ART3: variants seen among roughly 807,000 people sequenced by gnomAD.
The protein encoded by ART3 is ADP-ribosyltransferase 3 (inactive).
A neutral mutation model predicts 48.5 loss-of-function variants in ART3; 49 were observed. The ratio of observed to expected loss-of-function variants is 1.01; its 90% CI spans 0.80 to 1.28. The LOEUF (loss-of-function observed/expected upper bound fraction) is 1.28, where lower values mean the gene tolerates loss of function less well. ART3 is among the 50% of genes most tolerant of loss of function. The pLI, the probability that ART3 is intolerant of heterozygous loss-of-function variation, is 0.00. For missense variants in ART3, 438 were observed against 454.3 expected (o/e 0.96, Z 0.33); for synonymous variants, 145 against 157.2 (o/e 0.92, Z 0.58).
intron 1 of ART3, among the ~76,000 whole-genome samples, chr4:76,014,147 G>A (rs530998083): frequency 5.4e-4 from 82 of 152,234 alleles, no homozygotes; most frequent in African/African-American, 2.0e-3. Flanking sequence ...CAGTACCTCA[G>A]AAGGTGACTG....
chr4:76,110,693 T>C (rs1055736951), intron 11 of ART3, among the ~76,000 whole-genome samples: 15 of 152,218 alleles, frequency 9.9e-5, no homozygotes, highest in African/African-American at 3.6e-4. Flanking sequence ...CTTGATGATA[T>C]ATAGTCGACC....
At chr4:76,030,540 T>C (rs1364735929) in intron 1 of ART3, among the ~76,000 whole-genome samples, 3 of 152,160 alleles carry the variant, frequency 2.0e-5, no homozygotes, top group Admixed American at 2.0e-4. Flanking sequence ...TTCAGTGGAG[T>C]TAAGTACTTT....
intron 1 of ART3, among the ~76,000 whole-genome samples, chr4:76,027,209 C>T (rs1024626073): frequency 2.0e-5 from 3 of 152,026 alleles, no homozygotes; most frequent in Admixed American, 6.6e-5. Context: ...GCCGAGATCA[C>T]GCCATTGCAC....
chr4:76,059,362 GTTTTTTTTTC>G (rs1225667206), intron 1 of ART3, among the ~76,000 whole-genome samples: 1 of 141,070 alleles, frequency 7.1e-6, no homozygotes, highest in Non-Finnish European at 1.5e-5. Context: ...ATTTTCTCTT[GTTTTTTTTTC>G]TTTTTTTTTT....
intron 1 of ART3, among the ~76,000 whole-genome samples, chr4:76,062,600 G>A (rs556763405): frequency 8.2e-5 from 10 of 122,438 alleles, no homozygotes; most frequent in African/African-American, 2.6e-4. Flanking sequence ...TCGCTCTGTT[G>A]CCCAGACTGG....
chr4:76,097,590 T>C (rs1479587975), intron 3 of ART3, 54 bp from the exon 4 acceptor site: 32 of 1,423,998 alleles, frequency 2.2e-5, no homozygotes, highest in Non-Finnish European at 3.0e-5. Flanking sequence ...TTAATTGAAA[T>C]ATTTACTAGG....
chr4:76,093,073 G>T (rs554912908), intron 3 of ART3, among the ~76,000 whole-genome samples: 1 of 152,242 alleles, frequency 6.6e-6, no homozygotes, highest in South Asian at 2.1e-4. Flanking sequence ...CCAGCTTCCA[G>T]AGGTTACCTG....
intron 1 of ART3, among the ~76,000 whole-genome samples, chr4:76,067,854 G>T (rs1026647165): frequency 6.6e-6 from 1 of 152,164 alleles, no homozygotes; most frequent in Non-Finnish European, 1.5e-5. Flanking sequence ...GACCTCTAGC[G>T]GTCATTGGCC....
chr4:76,093,285 G>A (rs893201104), intron 3 of ART3, among the ~76,000 whole-genome samples: 4 of 152,122 alleles, frequency 2.6e-5, no homozygotes, highest in African/African-American at 9.7e-5. Flanking sequence ...AAAGTATCCA[G>A]GCATGGTGGC....
chr4:76,088,022 G>A (rs13134119), intron 3 of ART3, among the ~76,000 whole-genome samples: 59,942 of 151,654 alleles, frequency 0.4, 12,967 homozygotes, highest in African/African-American at 0.58. Context: ...TGACCCGAGG[G>A]ATTCAGGTGC....
intron 1 of ART3, among the ~76,000 whole-genome samples, chr4:76,041,840 A>G (rs1735003459): frequency 6.6e-6 from 1 of 152,210 alleles, no homozygotes; most frequent in Admixed American, 6.5e-5. Flanking sequence ...TTGGAGAGGC[A>G]GATAGATAAC....
intron 3 of ART3, among the ~76,000 whole-genome samples, chr4:76,083,431 T>C (rs112729497): frequency 5.3e-5 from 8 of 152,162 alleles, no homozygotes; most frequent in African/African-American, 1.9e-4. Context: ...CGTGTATTAG[T>C]TAAGAATTTT....
In ART3 at chr4:76,081,936, C is replaced by G; in HGVS notation, c.182C>G (p.Ala61Gly). 1.2e-6 allele frequency: 2 copies of G among 1,614,140 alleles called. No individual in the cohort carries two copies. The highest frequency in any genetic ancestry group is 3.3e-4 in the Middle Eastern group (2 of 6,062). ...YVPQLLKEEK[A>G]SHQQLDTVWE... is the part of the protein sequence containing the mutation. ...CCCCAACTGCTAAAGGAGGAAAAAG[C>G]AAGCCACCAGCAATTAGATACTGTG... The change falls in exon 3 of 12, where the codon GCA (alanine) becomes GGA (glycine). Residue 61 changes from alanine (A) to glycine (G), a missense_variant. Physicochemically the swap from Ala to Gly is moderately conservative, Grantham distance 60. Coordinates refer to ENST00000355810, the MANE Select transcript of ART3 (RefSeq NM_001130016.3).
chr4:76,100,974 T>C lies in ART3; in HGVS notation c.908-16T>C, dbSNP rs746045227. 1.2e-6 allele frequency: 2 copies of C among 1,613,280 alleles called. No individual in the cohort carries two copies. The highest frequency in any genetic ancestry group is 1.1e-5 in the South Asian group (1 of 90,826). ...GTTCCATTGTTAAAACTGATAAGCTTCTTTTTGTAACTCAGGTGAGAAAAA... is the reference window on the plus strand; with the variant it reads ...GTTCCATTGTTAAAACTGATAAGCTCCTTTTTGTAACTCAGGTGAGAAAAA... On this transcript the variant is annotated splice_polypyrimidine_tract_variant and intron_variant, in intron 7 of 11. Coordinates refer to ENST00000355810, the MANE Select transcript of ART3 (RefSeq NM_001130016.3).
intron 1 of ART3, among the ~76,000 whole-genome samples, chr4:76,018,440 T>C (rs1732458653): frequency 6.6e-6 from 1 of 152,180 alleles, no homozygotes; most frequent in South Asian, 2.1e-4. Context: ...TACTCGACAG[T>C]GGGGGTAGGG....
At chr4:76,022,727 A>C in intron 1 of ART3, 1 of 1,613,932 alleles carries the variant, frequency 6.2e-7, no homozygotes, top group Non-Finnish European at 8.5e-7. Flanking sequence ...GCTTGCAGGA[A>C]TAATTTCAAG....
intron 1 of ART3, 101 bp downstream of exon 1, chr4:76,074,920 A>T (rs1720734385): frequency 6.6e-6 from 1 of 152,242 alleles, no homozygotes; most frequent in Admixed American, 6.5e-5. Context: ...TGTGACAGAT[A>T]TCTATCATCT....
intron 1 of ART3, among the ~76,000 whole-genome samples, chr4:76,026,986 T>C (rs947483797): frequency 1.3e-5 from 2 of 152,240 alleles, no homozygotes; most frequent in African/African-American, 4.8e-5. Context: ...GCAAGGTGGC[T>C]CATGCCTGTA....
chr4:76,020,597 G>A (rs762592429), intron 1 of ART3, among the ~76,000 whole-genome samples: 1 of 152,196 alleles, frequency 6.6e-6, no homozygotes, highest in East Asian at 1.9e-4. Flanking sequence ...ACATAGAATA[G>A]AGGAGGAGAA....
Sources: allele counts gnomAD v4.1 joint callset (sites outside exome capture counted in the v4.1 genomes callset), GRCh38; gene constraint gnomAD v4.1.1; transcripts MANE v1.5; gene names NCBI Gene and HGNC (gene_info 2026-07-23, HGNC 2026-07-21).